Variants in PGGT1B observed in about 807,000 individuals in gnomAD.
The protein encoded by PGGT1B is protein geranylgeranyltransferase type I subunit beta.
A neutral mutation model predicts 46.1 loss-of-function variants in PGGT1B; 30 were observed. The observed-to-expected ratio is 0.65, with a 90% confidence interval of 0.49 to 0.88. The LOEUF (loss-of-function observed/expected upper bound fraction) is 0.88, where lower values mean the gene tolerates loss of function less well. Ranked by LOEUF, PGGT1B falls within the 40% of genes least tolerant of loss-of-function variation. PGGT1B has a pLI of 0.00. For missense variants in PGGT1B, 376 were observed against 455.9 expected, an observed-to-expected ratio of 0.82 and a Z score of 1.60; for synonymous variants, 170 against 160.0, an observed-to-expected ratio of 1.06 and a Z score of -0.47.
chr5:115,232,150 A>C (rs1757007967), intron 5 of PGGT1B, among the ~76,000 whole-genome samples: 1 of 152,218 alleles, frequency 6.6e-6, no homozygotes, highest in South Asian at 2.1e-4. Context: ...ACTGGGTATG[A>C]ACTTAAAATT....
intron 6 of PGGT1B, among the ~76,000 whole-genome samples, chr5:115,225,649 A>T (rs959941040): frequency 6.9e-6 from 1 of 144,436 alleles, no homozygotes; most frequent in South Asian, 2.2e-4. Context: ...GGTAAAGTAA[A>T]TTTTTTTTTT....
chr5:115,244,642 A>G (rs1221888642), intron 2 of PGGT1B, among the ~76,000 whole-genome samples: 5 of 151,746 alleles, frequency 3.3e-5, no homozygotes, highest in Non-Finnish European at 7.4e-5. Context: ...CCCAGGCTGG[A>G]CTGCAGGGGC....
rs1170863465 is a variant in PGGT1B at position 115,209,220 on chromosome 5, C to T, written c.*3182G>A. 2.0e-5 allele frequency: 3 copies of T among 152,066 alleles called. No homozygotes were observed. Among genetic ancestry groups the T allele is most frequent in the Admixed American group, 1.3e-4 (2 of 15,230 alleles). 9.4% of individuals were successfully genotyped at this position (152,066 alleles called of 1,614,324 possible). ...CTTTCCTTTGTCCTATTTTACCCAT[C>T]CTGCCCATTTGGATTCTAATTCTAG... On this transcript the variant is annotated 3_prime_UTR_variant, in exon 9 of 9. Transcript: ENST00000419445.
At chr5:115,222,782 G>A (rs1243476213) in intron 6 of PGGT1B, among the ~76,000 whole-genome samples, 2 of 152,200 alleles carry the variant, frequency 1.3e-5, no homozygotes, top group Non-Finnish European at 2.9e-5. Flanking sequence ...GGAATACTAT[G>A]TAGCCATAAA....
chr5:115,248,711 A>G (rs1271258142), intron 2 of PGGT1B, among the ~76,000 whole-genome samples: 1 of 152,208 alleles, frequency 6.6e-6, no homozygotes, highest in African/African-American at 2.4e-5. Context: ...ATACTTAAAC[A>G]GTAAAACAAC....
intron 6 of PGGT1B, among the ~76,000 whole-genome samples, chr5:115,226,271 G>A (rs1756780201): frequency 6.6e-6 from 1 of 152,070 alleles, no homozygotes; most frequent in South Asian, 2.1e-4. Flanking sequence ...CAAAGGAAAT[G>A]TCCACTGGAA....
rs1756018252 is a variant in PGGT1B at position 115,204,855 on chromosome 5, T to A, written c.*7547A>T. On this transcript the variant is annotated 3_prime_UTR_variant, in exon 9 of 9. Coordinates refer to ENST00000419445, the MANE Select transcript of PGGT1B (RefSeq NM_005023.4). ...ATGATAAATATTAAAATATATCCAG[T>A]CATAAAAGTGAAAAGCATCTTCTGA... 6.6e-6 allele frequency: 1 copy of A among 152,158 alleles called. No homozygotes were observed. The highest frequency in any genetic ancestry group is 2.4e-5 in the African/African-American group (1 of 41,446). 9.4% of individuals were successfully genotyped at this position (152,158 alleles called of 1,614,324 possible).
At chr5:115,221,749 C>T in intron 7 of PGGT1B, 75 bp downstream of exon 7, 2 of 897,068 alleles carry the variant, frequency 2.2e-6, no homozygotes, top group South Asian at 4.8e-5. Context: ...ATACACATTA[C>T]AAAGATCAAA....
At chr5:115,252,060 A>T (rs1056821972) in intron 2 of PGGT1B, among the ~76,000 whole-genome samples, 4 of 152,112 alleles carry the variant, frequency 2.6e-5, no homozygotes, top group African/African-American at 9.6e-5. Context: ...GCTCTTCTCT[A>T]CAGGTTTAGA....
At chr5:115,241,391 C>G (rs1757340300) in intron 3 of PGGT1B, 148 bp downstream of exon 3, 1 of 423,134 alleles carries the variant, frequency 2.4e-6, no homozygotes. Flanking sequence ...TAAAGGATTT[C>G]AGTTTATAAT....
At chr5:115,243,139 T>A (rs1157696519) in intron 2 of PGGT1B, among the ~76,000 whole-genome samples, 2 of 152,238 alleles carry the variant, frequency 1.3e-5, no homozygotes, top group Non-Finnish European at 2.9e-5. Flanking sequence ...CTAAGGACTT[T>A]TAAATTGGTA....
Position 115,221,919 on chromosome 5 carries a change from T to A in PGGT1B, c.748A>T (p.Arg250Trp), listed in dbSNP as rs1756601414. 1 of 1,608,634 alleles carries A rather than the reference T, an allele frequency of 6.2e-7. No individual in the cohort carries two copies. ...FSEKELNRIK[R>W]WCIMRQQNGY... Reference sequence around the variant, plus strand: ...TTTTGTTGCCTCATTATACACCACCTCTTTATCCTGTTCAATTCTTTTTCT... The same window carrying A: ...TTTTGTTGCCTCATTATACACCACCACTTTATCCTGTTCAATTCTTTTTCT... Residue 250 changes from arginine to tryptophan, a missense_variant, in exon 7 of 9, where the codon AGG becomes TGG. Coordinates refer to ENST00000419445, the MANE Select transcript of PGGT1B (RefSeq NM_005023.4).
chr5:115,232,581 A>T (rs996618120), intron 5 of PGGT1B, among the ~76,000 whole-genome samples: 1 of 152,096 alleles, frequency 6.6e-6, no homozygotes, highest in Non-Finnish European at 1.5e-5. Flanking sequence ...TATTTAAAAC[A>T]TCATACATTT....
At chr5:115,256,319 A>C (rs1748310524) in intron 1 of PGGT1B, among the ~76,000 whole-genome samples, 1 of 151,970 alleles carries the variant, frequency 6.6e-6, no homozygotes, top group Admixed American at 6.5e-5. Flanking sequence ...TTAAGGTCAT[A>C]CTCTTATCTG....
At chr5:115,258,130 A>T (rs1180616303) in intron 1 of PGGT1B, among the ~76,000 whole-genome samples, 1 of 152,244 alleles carries the variant, frequency 6.6e-6, no homozygotes, top group East Asian at 1.9e-4. Flanking sequence ...CTGAACACCT[A>T]CTACAGACTA....
At chr5:115,236,302 G>T in intron 5 of PGGT1B, 88 bp downstream of exon 5, 1 of 926,538 alleles carries the variant, frequency 1.1e-6, no homozygotes, top group South Asian at 1.7e-5. Flanking sequence ...ACAAATTGTT[G>T]GCGGAAGAGA....
intron 8 of PGGT1B, 138 bp from the exon 9 acceptor site, chr5:115,212,721 T>C: frequency 1.8e-6 from 1 of 564,368 alleles, no homozygotes; most frequent in Non-Finnish European, 3.0e-6. Flanking sequence ...TTTAAAAATA[T>C]TTGCTTTCTC....
In PGGT1B at chr5:115,213,619, A is replaced by G. The variant is rs149125427; in HGVS notation, c.953-1036T>C. ...AAGCTCCATCTCTACAAAAAATACAAAAATTACCAGGTATGGTGGCGTGCG... is the reference window on the plus strand; with the variant it reads ...AAGCTCCATCTCTACAAAAAATACAGAAATTACCAGGTATGGTGGCGTGCG... On this transcript the variant is annotated intron_variant, in intron 8 of 8. Coordinates refer to ENST00000419445, the MANE Select transcript of PGGT1B (RefSeq NM_005023.4). 9.9e-4 allele frequency among the ~76,000 whole-genome samples: 150 copies of G among 152,254 alleles called. 1 individual carries two copies. The highest frequency in any genetic ancestry group is 3.6e-3 in the African/African-American group (149 of 41,556).
intron 8 of PGGT1B, among the ~76,000 whole-genome samples, chr5:115,214,918 C>T (rs1278175414): frequency 1.3e-5 from 2 of 152,160 alleles, no homozygotes. Flanking sequence ...TATTATTTTG[C>T]TTGAGAAATT....
Sources: allele counts gnomAD v4.1 joint callset (sites outside exome capture counted in the v4.1 genomes callset), GRCh38; gene constraint gnomAD v4.1.1; transcripts MANE v1.5; gene names NCBI Gene and HGNC (gene_info 2026-07-23, HGNC 2026-07-21).